Variants in GPA33 observed in about 807,000 individuals in gnomAD.
GPA33 encodes glycoprotein A33.
Under a neutral mutation model 35.6 loss-of-function variants are expected in GPA33, and 27 were observed. The observed-to-expected ratio is 0.76, with a 90% CI of 0.56 to 1.04. GPA33 has a LOEUF of 1.04. GPA33 is among the 50% of genes least tolerant of loss of function. GPA33 has a pLI of 0.00. For missense variants in GPA33, 428 were observed against 411.9 expected, an observed-to-expected ratio of 1.04 and a Z score of -0.34; for synonymous variants, 176 against 164.0, an observed-to-expected ratio of 1.07 and a Z score of -0.56.
At chr1:167,060,196 C>T (rs1288467417) in intron 4 of GPA33, among the ~76,000 whole-genome samples, 1 of 152,214 alleles carries the variant, frequency 6.6e-6, no homozygotes, top group Non-Finnish European at 1.5e-5. Flanking sequence ...CCTCAGCCTC[C>T]CAAGTAGCTG....
intron 1 of GPA33, chr1:167,078,510 G>C (rs967184735): frequency 1.1e-4 from 17 of 152,196 alleles, no homozygotes; most frequent in Admixed American, 8.5e-4. Context: ...AAATGGAATG[G>C]CCGAATTGGC....
chr1:167,081,757 G>A (rs1221259746), intron 1 of GPA33, among the ~76,000 whole-genome samples: 2 of 152,178 alleles, frequency 1.3e-5, no homozygotes, highest in Non-Finnish European at 2.9e-5. Flanking sequence ...GATATGGGCT[G>A]TGCATCAGGC....
chr1:167,069,236 C>A, intron 2 of GPA33, 98 bp from the exon 3 acceptor site: 3 of 743,230 alleles, frequency 4.0e-6, no homozygotes, highest in Non-Finnish European at 4.6e-6. Flanking sequence ...TTTCCAGGGC[C>A]CAGAAGCACA....
intron 3 of GPA33, among the ~76,000 whole-genome samples, chr1:167,068,277 G>A (rs1276264505): frequency 1.3e-5 from 2 of 152,142 alleles, no homozygotes; most frequent in Admixed American, 1.3e-4. Context: ...TTCCAATAAC[G>A]ATTTGACTTT....
intron 4 of GPA33, 67 bp downstream of exon 4, chr1:167,063,515 C>G: frequency 6.9e-7 from 1 of 1,449,726 alleles, no homozygotes; most frequent in South Asian, 1.3e-5. Context: ...AGTTGCAGCC[C>G]CTAGCCAATC....
chr1:167,054,516 C>T, intron 6 of GPA33, 50 bp from the exon 7 acceptor site: 1 of 1,612,242 alleles, frequency 6.2e-7, no homozygotes, highest in Non-Finnish European at 8.5e-7. Flanking sequence ...CAGGTGGACC[C>T]TCAAGGGAGC....
chr1:167,082,311 T>C (rs766282654), intron 1 of GPA33: 2 of 456,248 alleles, frequency 4.4e-6, no homozygotes, highest in South Asian at 1.5e-5. Flanking sequence ...TCCCAAATGC[T>C]CTGCAACAAA....
rs746112648 is a variant in GPA33, at chr1:167,054,477, G to C, written c.828-11C>G. 3 of 1,613,974 alleles carry C rather than the reference G, an allele frequency of 1.9e-6. No individual in the cohort carries two copies. In the African/African-American group the frequency reaches 4.0e-5, roughly 22 times the overall value. ...TAGGCTTCCCGGTTCCTGCAGGGCA[G>C]CAGGGGACAGAGGGGAAGGATTTGC... is the stretch of plus-strand genomic sequence containing the variant. On this transcript the variant is annotated splice_polypyrimidine_tract_variant and intron_variant, in intron 6 of 6. Coordinates refer to ENST00000367868, the MANE Select transcript of GPA33 (RefSeq NM_005814.3).
intron 1 of GPA33, among the ~76,000 whole-genome samples, chr1:167,079,867 C>CT (rs1221039398): frequency 2.0e-5 from 3 of 152,180 alleles, no homozygotes; most frequent in Non-Finnish European, 2.9e-5. Context: ...GTTTCTTTTA[C>CT]TTTTTTCCAC....
rs1260547954 is a variant in GPA33 at position 167,054,296 on chromosome 1, C to T, written c.*38G>A. The stretch of plus-strand genomic sequence containing the variant: ...GAGGCCAGGAAGCGGGAGAATGAAC[C>T]CCTAACCCTTCCTCCGCCGCCCTCT... On this transcript the variant is annotated 3_prime_UTR_variant, in exon 7 of 7. Transcript: ENST00000367868. 1 of 1,612,244 alleles carries T rather than the reference C, an allele frequency of 6.2e-7. No individual in the cohort carries two copies.
Position 167,084,177 on chromosome 1 carries a change from AT to A in GPA33, c.43+6067del, listed in dbSNP as rs1667008803. ...AAGCAGAGGTGGTGACATGGTCATG[AT>A]TTTATTTTACAAGATCATTCTGGCT... On this transcript the variant is annotated intron_variant, in intron 1 of 6. Transcript: ENST00000367868. Among the ~76,000 whole-genome samples, 3 of 152,298 alleles carry A rather than the reference AT, an allele frequency of 2.0e-5. No individual in the cohort carries two copies. The South Asian group carries it at 6.2e-4, about 32-fold the overall frequency.
intron 1 of GPA33, among the ~76,000 whole-genome samples, chr1:167,079,097 G>A (rs184634559): frequency 6.6e-6 from 1 of 152,098 alleles, no homozygotes; most frequent in Admixed American, 6.6e-5. Flanking sequence ...CTAAAGAATA[G>A]ATCAATTTTA....
At chr1:167,075,824 A>C (rs970515358) in intron 1 of GPA33, among the ~76,000 whole-genome samples, 1 of 152,236 alleles carries the variant, frequency 6.6e-6, no homozygotes, top group Non-Finnish European at 1.5e-5. Context: ...GTAAGGGAGA[A>C]GTAGGAAAAT....
chr1:167,064,536 G>A (rs921395718), intron 3 of GPA33, among the ~76,000 whole-genome samples: 19 of 152,300 alleles, frequency 1.2e-4, no homozygotes, highest in African/African-American at 4.3e-4. Flanking sequence ...AAAATTAGTG[G>A]ACTACAAACC....
At chr1:167,064,041 G>A (rs1422200071) in intron 3 of GPA33, among the ~76,000 whole-genome samples, 1 of 152,110 alleles carries the variant, frequency 6.6e-6, no homozygotes, top group Non-Finnish European at 1.5e-5. Flanking sequence ...TAAAGATAGC[G>A]GAACATGGCC....
intron 2 of GPA33, among the ~76,000 whole-genome samples, chr1:167,070,457 G>A (rs1302007605): frequency 6.6e-6 from 1 of 152,194 alleles, no homozygotes; most frequent in Non-Finnish European, 1.5e-5. Context: ...GCACCAAGAA[G>A]TTAAAGGCCT....
intron 4 of GPA33, among the ~76,000 whole-genome samples, chr1:167,059,369 C>A (rs894365540): frequency 1.3e-5 from 2 of 152,178 alleles, no homozygotes; most frequent in African/African-American, 2.4e-5. Context: ...GACGGTCATA[C>A]GCTTCCCACC....
chr1:167,081,781 A>G (rs572470424), intron 1 of GPA33, among the ~76,000 whole-genome samples: 3 of 152,342 alleles, frequency 2.0e-5, no homozygotes, highest in Admixed American at 2.0e-4. Flanking sequence ...TTCCCTCAAC[A>G]GATGGCAGGC....
intron 1 of GPA33, among the ~76,000 whole-genome samples, chr1:167,088,901 G>A (rs1340062581): frequency 1.3e-5 from 2 of 152,110 alleles, no homozygotes; most frequent in South Asian, 2.1e-4. Flanking sequence ...CTCAGGCCCT[G>A]GAGCATCCTC....
Sources: allele counts gnomAD v4.1 joint callset (sites outside exome capture counted in the v4.1 genomes callset), GRCh38; gene constraint gnomAD v4.1.1; transcripts MANE v1.5; gene names NCBI Gene and HGNC (gene_info 2026-07-23, HGNC 2026-07-21).